Variants in CSNK1G3 observed in about 807,000 individuals in gnomAD.
The protein encoded by CSNK1G3 is casein kinase I isoform gamma-3.
Under a neutral mutation model 64.3 loss-of-function variants are expected in CSNK1G3, and 23 were observed. The observed-to-expected ratio is 0.36, with a 90% confidence interval of 0.26 to 0.51. The LOEUF (loss-of-function observed/expected upper bound fraction) is 0.51. Among genes scored for constraint, CSNK1G3 ranks in the 20% least tolerant of loss-of-function variants. The pLI is 0.96. For missense variants in CSNK1G3, 357 were observed against 510.5 expected (o/e 0.70, Z 2.90); for synonymous variants, 158 against 162.2 (o/e 0.97, Z 0.20).
intron 4 of CSNK1G3, among the ~76,000 whole-genome samples, chr5:123,566,458 A>C (rs1313349153): frequency 6.6e-6 from 1 of 152,202 alleles, no homozygotes; most frequent in African/African-American, 2.4e-5. Flanking sequence ...AAGATTTTAT[A>C]ATTGAAAATT....
At chr5:123,586,266 G>C (rs1456896201) in intron 6 of CSNK1G3, among the ~76,000 whole-genome samples, 1 of 152,174 alleles carries the variant, frequency 6.6e-6, no homozygotes, top group Non-Finnish European at 1.5e-5. Context: ...TATTGTGGGG[G>C]TTGGGGGAGA....
At chr5:123,553,031 T>A in intron 2 of CSNK1G3, 76 bp from the exon 3 acceptor site, 1 of 800,818 alleles carries the variant, frequency 1.2e-6, no homozygotes, top group South Asian at 2.2e-5. Flanking sequence ...ATGTGCTTTT[T>A]TTCAGAGTAC....
chr5:123,613,858 T>C (rs1395782865), intron 12 of CSNK1G3, among the ~76,000 whole-genome samples: 1 of 152,252 alleles, frequency 6.6e-6, no homozygotes, highest in Non-Finnish European at 1.5e-5. Flanking sequence ...CCAGTCTTGG[T>C]ATTCTATATA....
At chr5:123,611,259 A>G (rs966728508) in intron 12 of CSNK1G3, among the ~76,000 whole-genome samples, 12 of 152,240 alleles carry the variant, frequency 7.9e-5, no homozygotes, top group South Asian at 4.1e-4. Flanking sequence ...TCTCTTGTCT[A>G]TTTGGATGCA....
chr5:123,556,871 A>G (rs984851978), intron 3 of CSNK1G3, among the ~76,000 whole-genome samples: 4 of 152,006 alleles, frequency 2.6e-5, no homozygotes, highest in Non-Finnish European at 4.4e-5. Flanking sequence ...ACTGTATAAT[A>G]TCATTTAGGT....
Position 123,600,481 on chromosome 5 carries a change from C to T in CSNK1G3, c.1087-4243C>T, listed in dbSNP as rs375871228. On this transcript the variant is annotated intron_variant, in intron 10 of 12. Coordinates refer to ENST00000345990, the Ensembl canonical transcript of CSNK1G3. ...CTCTACTAAAAATACAAAAATTAGCCAGGCATGGTGGTGCACACCTGTAAT... is the reference window on the plus strand; with the variant it reads ...CTCTACTAAAAATACAAAAATTAGCTAGGCATGGTGGTGCACACCTGTAAT... 2.6e-5 allele frequency among the ~76,000 whole-genome samples: 4 copies of T among 151,988 alleles called. No homozygotes were observed. In the South Asian group the frequency reaches 8.3e-4, roughly 32 times the overall value.
intron 2 of CSNK1G3, among the ~76,000 whole-genome samples, chr5:123,549,647 G>A (rs1423125039): frequency 6.6e-6 from 1 of 152,168 alleles, no homozygotes; most frequent in Non-Finnish European, 1.5e-5. Context: ...TTTGGCCTAG[G>A]CACTCCGCTT....
At chr5:123,565,979 T>TATC (rs1278866226) in intron 4 of CSNK1G3, among the ~76,000 whole-genome samples, 7 of 152,160 alleles carry the variant, frequency 4.6e-5, no homozygotes, top group Non-Finnish European at 2.9e-5. Context: ...ACCCAAACTA[T>TATC]ATCACTGTTT....
At chr5:123,520,731 A>G (rs564224682) in intron 1 of CSNK1G3, among the ~76,000 whole-genome samples, 25 of 152,104 alleles carry the variant, frequency 1.6e-4, no homozygotes, top group Middle Eastern at 3.4e-3. Context: ...GGACTTCTGA[A>G]TATTTTGAAA....
chr5:123,523,962 T>G (rs571238435), intron 1 of CSNK1G3, among the ~76,000 whole-genome samples: 150 of 152,354 alleles, frequency 9.8e-4, no homozygotes, highest in Non-Finnish European at 1.7e-3. Context: ...GTATACCCAC[T>G]GTATCACCTG....
intron 10 of CSNK1G3, among the ~76,000 whole-genome samples, chr5:123,600,352 G>C (rs1043633506): frequency 1.3e-5 from 2 of 152,012 alleles, no homozygotes; most frequent in African/African-American, 4.8e-5. Context: ...CAGGAGGGGC[G>C]TGGTGGCTCA....
At chr5:123,555,097 T>G (rs1197470177) in intron 3 of CSNK1G3, among the ~76,000 whole-genome samples, 1 of 152,206 alleles carries the variant, frequency 6.6e-6, no homozygotes, top group African/African-American at 2.4e-5. Flanking sequence ...TTTTCTCCCC[T>G]TTTTAGGGGG....
At chr5:123,591,479 A>G (rs1435354808) in intron 10 of CSNK1G3, 65 bp downstream of exon 10, 3 of 996,752 alleles carry the variant, frequency 3.0e-6, no homozygotes, top group East Asian at 2.6e-5. Context: ...TTTTTCTTCA[A>G]TAGATAAAAC....
chr5:123,604,781 A>C (rs1451141440), exon 11 of CSNK1G3: 1 of 1,612,036 alleles, frequency 6.2e-7, no homozygotes, highest in Non-Finnish European at 8.5e-7. Flanking sequence ...AGGACGTTCA[A>C]ATGCACCCAT....
chr5:123,559,405 T>A (rs557706918), intron 4 of CSNK1G3, among the ~76,000 whole-genome samples: 4 of 152,338 alleles, frequency 2.6e-5, no homozygotes, highest in Non-Finnish European at 4.4e-5. Context: ...ATTTTAACTT[T>A]TTTCTGTTTT....
intron 1 of CSNK1G3, among the ~76,000 whole-genome samples, chr5:123,534,558 A>G (rs1313162694): frequency 6.6e-6 from 1 of 152,180 alleles, no homozygotes; most frequent in Non-Finnish European, 1.5e-5. Context: ...ATGGCAAACT[A>G]TAGGTAGCTT....
chr5:123,612,978 C>G (rs992195665), intron 12 of CSNK1G3, among the ~76,000 whole-genome samples: 2 of 152,138 alleles, frequency 1.3e-5, no homozygotes, highest in Non-Finnish European at 2.9e-5. Context: ...GATACTCAAC[C>G]ATGCTTGCCT....
intron 2 of CSNK1G3, among the ~76,000 whole-genome samples, chr5:123,552,511 T>C (rs769339487): frequency 7.2e-5 from 11 of 152,374 alleles, no homozygotes; most frequent in Middle Eastern, 6.8e-3. Flanking sequence ...TGTTTTTAGC[T>C]TATATTTAAC....
chr5:123,529,723 G>A (rs1266064936), intron 1 of CSNK1G3, among the ~76,000 whole-genome samples: 2 of 152,012 alleles, frequency 1.3e-5, no homozygotes, highest in Admixed American at 6.6e-5. Flanking sequence ...TGAATATTTC[G>A]GTAATAAAAA....
Sources: allele counts gnomAD v4.1 joint callset (sites outside exome capture counted in the v4.1 genomes callset), GRCh38; gene constraint gnomAD v4.1.1; transcripts MANE v1.5; gene names NCBI Gene and HGNC (gene_info 2026-07-23, HGNC 2026-07-21).